AUTS2: variants seen among roughly 807,000 people sequenced by gnomAD.
AUTS2 encodes activator of transcription and developmental regulator AUTS2, also known as autism susceptibility gene 2 protein.
AUTS2 carries 17 observed loss-of-function variants against 112.4 expected under a neutral mutation model. The observed-to-expected ratio is 0.15, with a 90% confidence interval of 0.10 to 0.23. AUTS2 has a LOEUF of 0.23. Among genes scored for constraint, AUTS2 ranks in the 10% least tolerant of loss-of-function variants. The pLI, the probability that AUTS2 is intolerant of heterozygous loss-of-function variation, is 1.00. For synonymous variants in AUTS2, 751 were observed against 702.7 expected (o/e 1.07, Z -1.09); for missense variants, 1,510 against 1,701.6 (o/e 0.89, Z 1.98).
At chr7:70,749,577 G>A (rs773485514) in intron 6 of AUTS2, among the ~76,000 whole-genome samples, 4 of 152,184 alleles carry the variant, frequency 2.6e-5, no homozygotes, top group Non-Finnish European at 2.9e-5. Context: ...AAAGAATTAA[G>A]GGCTGTGTGA....
At chr7:70,113,371 C>A (rs1212899121) in intron 2 of AUTS2, among the ~76,000 whole-genome samples, 1 of 152,090 alleles carries the variant, frequency 6.6e-6, no homozygotes, top group Non-Finnish European at 1.5e-5. Flanking sequence ...AGTACAAATT[C>A]TATCCAATCC....
At chr7:70,497,011 TCAGA>T (rs200284377) in intron 5 of AUTS2, among the ~76,000 whole-genome samples, 3 of 50,658 alleles carry the variant, frequency 5.9e-5, no homozygotes, top group South Asian at 6.6e-4. Context: ...ACGTACACAG[TCAGA>T]CACACACACA....
At chr7:69,954,229 A>G (rs968343088) in intron 2 of AUTS2, among the ~76,000 whole-genome samples, 1 of 152,196 alleles carries the variant, frequency 6.6e-6, no homozygotes, top group African/African-American at 2.4e-5. Context: ...AATTTTATTT[A>G]TGCCACATAG....
intron 1 of AUTS2, among the ~76,000 whole-genome samples, chr7:69,874,209 A>G (rs1026360862): frequency 1.8e-4 from 27 of 149,720 alleles, no homozygotes; most frequent in Admixed American, 1.7e-3. Context: ...CCTTGGCAAC[A>G]TAGTGAGACC....
chr7:69,738,249 C>G (rs1440382659), intron 1 of AUTS2, among the ~76,000 whole-genome samples: 7 of 151,744 alleles, frequency 4.6e-5, no homozygotes, highest in Non-Finnish European at 1.0e-4. Flanking sequence ...TCCTTCTCTC[C>G]TTTTTCATCC....
At chr7:69,837,223 ATAGT>A (rs1230171106) in intron 1 of AUTS2, among the ~76,000 whole-genome samples, 1 of 152,186 alleles carries the variant, frequency 6.6e-6, no homozygotes, top group East Asian at 1.9e-4. Context: ...ATGCACATAG[ATAGT>A]TAGGCAGTCC....
chr7:69,825,102 G>A (rs1791181716), intron 1 of AUTS2, among the ~76,000 whole-genome samples: 1 of 152,138 alleles, frequency 6.6e-6, no homozygotes. Flanking sequence ...GCTTTCTTTA[G>A]CGTTTACATA....
chr7:70,080,708 G>A (rs1020642017), intron 2 of AUTS2, among the ~76,000 whole-genome samples: 2 of 152,140 alleles, frequency 1.3e-5, no homozygotes, highest in Admixed American at 1.3e-4. Flanking sequence ...TCTTAAGGTA[G>A]TGATGATCTT....
intron 1 of AUTS2, among the ~76,000 whole-genome samples, chr7:69,812,281 A>C (rs925497862): frequency 6.6e-6 from 1 of 152,156 alleles, no homozygotes; most frequent in African/African-American, 2.4e-5. Flanking sequence ...GGAGGAGAAA[A>C]AAAAGACACC....
chr7:69,901,182 C>G (rs1353252858), intron 2 of AUTS2, among the ~76,000 whole-genome samples: 1 of 151,974 alleles, frequency 6.6e-6, no homozygotes, highest in Non-Finnish European at 1.5e-5. Flanking sequence ...GGTGATGTTC[C>G]TGTGGTATTT....
chr7:70,731,613 T>C (rs1425543192), intron 6 of AUTS2, among the ~76,000 whole-genome samples: 2 of 151,828 alleles, frequency 1.3e-5, no homozygotes, highest in South Asian at 4.2e-4. Context: ...ATATTTTTAG[T>C]AGAGACGGGG....
At chr7:69,984,230 C>A (rs377276612) in intron 2 of AUTS2, among the ~76,000 whole-genome samples, 1 of 151,756 alleles carries the variant, frequency 6.6e-6, no homozygotes, top group East Asian at 1.9e-4. Context: ...ACGGTGAAAC[C>A]CCGTCTCTAC....
chr7:70,400,258 G>T (rs1464462879), intron 4 of AUTS2, among the ~76,000 whole-genome samples: 1 of 152,160 alleles, frequency 6.6e-6, no homozygotes, highest in African/African-American at 2.4e-5. Flanking sequence ...GTACCTCAGA[G>T]GGTCATCTCA....
intron 6 of AUTS2, among the ~76,000 whole-genome samples, chr7:70,738,423 T>G (rs75583104): frequency 6.7e-6 from 1 of 149,980 alleles, no homozygotes; most frequent in African/African-American, 2.4e-5. Flanking sequence ...TTTTTGTTTT[T>G]TTTTTTTTTA....
intron 1 of AUTS2, among the ~76,000 whole-genome samples, chr7:69,747,481 T>C (rs544157234): frequency 6.6e-6 from 1 of 152,338 alleles, no homozygotes; most frequent in Non-Finnish European, 1.5e-5. Context: ...ATGAATAATT[T>C]GCTGAATATA....
At chr7:70,324,581 T>C (rs6957740) in intron 4 of AUTS2, among the ~76,000 whole-genome samples, 44,693 of 151,772 alleles carry the variant, frequency 0.29, 6,891 homozygotes, top group African/African-American at 0.38. Flanking sequence ...ACTGTGACCA[T>C]ACCACTGCAC....
At chr7:70,102,275 C>A (rs542816101) in intron 2 of AUTS2, among the ~76,000 whole-genome samples, 1 of 151,670 alleles carries the variant, frequency 6.6e-6, no homozygotes, top group Non-Finnish European at 1.5e-5. Context: ...CCTGCCACCA[C>A]GCCCAGCTAA....
chr7:70,465,908 G>A (rs955644690), intron 5 of AUTS2, among the ~76,000 whole-genome samples: 6 of 152,174 alleles, frequency 3.9e-5, no homozygotes, highest in African/African-American at 7.2e-5. Context: ...GAGGAACAGC[G>A]ACTCTGGATC....
At chr7:70,274,584 C>G (rs1787841996) in intron 4 of AUTS2, among the ~76,000 whole-genome samples, 1 of 152,076 alleles carries the variant, frequency 6.6e-6, no homozygotes, top group Non-Finnish European at 1.5e-5. Context: ...AGACACTGTG[C>G]CCAGCCTTCA....
Sources: gnomAD v4.1 joint callset for allele counts (sites outside exome capture counted in the v4.1 genomes callset) on GRCh38, gnomAD v4.1.1 for gene constraint, MANE v1.5 for transcripts, NCBI Gene and HGNC (gene_info 2026-07-23, HGNC 2026-07-21) for gene names.